The following BRSK1 variants were observed in gnomAD, a reference collection of about 807,000 sequenced individuals.
BRSK1 encodes BR serine/threonine kinase 1, also known as serine/threonine-protein kinase BRSK1.
Under a neutral mutation model 86.2 loss-of-function variants are expected in BRSK1, and 17 were observed. The observed-to-expected ratio is 0.20, with a 90% CI of 0.14 to 0.30. The LOEUF is 0.30. Among genes scored for constraint, BRSK1 ranks in the 10% least tolerant of loss-of-function variants. BRSK1 has a pLI of 1.00. For missense variants in BRSK1, 719 were observed against 1,071.9 expected (o/e 0.67, Z 4.60); for synonymous variants, 464 against 440.1 (o/e 1.05, Z -0.68).
intron 7 of BRSK1, among the ~76,000 whole-genome samples, chr19:55,296,140 C>T (rs1203477144): frequency 6.6e-6 from 1 of 151,968 alleles, no homozygotes; most frequent in Admixed American, 6.6e-5. Flanking sequence ...CCCCTGCCCC[C>T]ACTCCTCCTC....
intron 7 of BRSK1, among the ~76,000 whole-genome samples, chr19:55,298,246 CTT>C (rs1445284997): frequency 2.0e-5 from 1 of 50,722 alleles, no homozygotes; most frequent in Non-Finnish European, 3.5e-5. Flanking sequence ...GAGATGAAGT[CTT>C]AGTCTTGCTC....
Position 55,287,846 on chromosome 19 carries a change from C to A in BRSK1, c.317+547C>A. ...GGGGGTGGGGGTCCAGCTGTCCAGA[C>A]TCCAGAGAATGGGCCTCTTTGTCCA... On this transcript the variant is annotated intron_variant, in intron 3 of 18. Transcript: ENST00000309383. The surrounding 1 kb of genome is among the most constrained non-coding windows in gnomAD (Gnocchi z 5.3). 1 of 163,172 alleles carries A rather than the reference C, an allele frequency of 6.1e-6. No individual in the cohort carries two copies. The highest frequency in any genetic ancestry group is 1.4e-5 in the Non-Finnish European group (1 of 73,044). 10.1% of individuals were successfully genotyped at this position (163,172 alleles called of 1,614,324 possible).
chr19:55,312,171 T>C lies in BRSK1; in HGVS notation c.*103T>C. 1.8e-6 allele frequency: 1 copy of C among 565,678 alleles called. No homozygotes were observed. The highest frequency in any genetic ancestry group is 3.0e-6 in the Non-Finnish European group (1 of 335,180). 35.0% of individuals were successfully genotyped at this position (565,678 alleles called of 1,614,324 possible). A position where few individuals can be genotyped will look rare whatever the true frequency, so the allele number is the denominator to read the frequency against. ...CCCAAGGAACATGTCGGGAGGGGGG[T>C]GGACACAAAAACCGGCCTTGCCCTG... On this transcript the variant is annotated 3_prime_UTR_variant, in exon 19 of 19. Coordinates refer to ENST00000309383, the MANE Select transcript of BRSK1 (RefSeq NM_032430.2).
At chr19:55,295,097 C>T (rs539800934) in intron 7 of BRSK1, among the ~76,000 whole-genome samples, 274 of 151,868 alleles carry the variant, frequency 1.8e-3, no homozygotes, top group African/African-American at 5.7e-3. Context: ...CCATCGTGCC[C>T]GGCAGCTGAA....
At position 55,304,266 on chromosome 19, in the gene BRSK1, C is replaced by T. The variant is rs2088614114; in HGVS notation, c.1347+156C>T. 6.6e-6 allele frequency among the ~76,000 whole-genome samples: 1 copy of T among 152,138 alleles called. No homozygotes were observed. Among genetic ancestry groups the T allele is most frequent in the African/African-American group, 2.4e-5 (1 of 41,424 alleles). ...CCCAAGGCCTCCAAAGTATTTTGGT[C>T]CATTGGCCATTTCTACCTCCTTAGG... On this transcript the variant is annotated intron_variant, in intron 13 of 18. Coordinates refer to ENST00000309383, the MANE Select transcript of BRSK1 (RefSeq NM_032430.2). The surrounding 1 kb of genome is among the most constrained non-coding windows in gnomAD (Gnocchi z 5.2).
At position 55,306,611 on chromosome 19, in the gene BRSK1, C is replaced by G. The variant is rs1213353502; in HGVS notation, c.2089+161C>G. ...CTGCCCACACAGACCGCCCCACAAG[C>G]CCATCCTCTATTTCCCCACTCTCAT... On this transcript the variant is annotated intron_variant, in intron 17 of 18. Coordinates refer to ENST00000309383, the MANE Select transcript of BRSK1 (RefSeq NM_032430.2). This position sits in a 1 kb window ranked among gnomAD's most constrained non-coding sequence, Gnocchi z 4.7. 6.6e-6 allele frequency among the ~76,000 whole-genome samples: 1 copy of G among 152,208 alleles called. No individual in the cohort carries two copies. Among genetic ancestry groups the G allele is most frequent in the African/African-American group, 2.4e-5 (1 of 41,448 alleles).
Position 55,304,426 on chromosome 19 carries a change from A to ATACT in BRSK1, c.1348-123_1348-120dup. On this transcript the variant is annotated intron_variant, in intron 13 of 18. Transcript: ENST00000309383. The surrounding 1 kb of genome is among the most constrained non-coding windows in gnomAD (Gnocchi z 5.2). ...CTTGCTCTGGGGCCTGGGAAGGAGG[A>ATACT]TACTTGGACTACAAGTTGCAGCATG... 1 of 1,192,158 alleles carries ATACT rather than the reference A, an allele frequency of 8.4e-7. No individual in the cohort carries two copies. The highest frequency in any genetic ancestry group is 1.1e-6 in the Non-Finnish European group (1 of 877,890). 73.8% of individuals were successfully genotyped at this position (1,192,158 alleles called of 1,614,324 possible).
In BRSK1 at chr19:55,284,498, A is replaced by ACCCC; in HGVS notation, c.58_61dup (p.His21ProfsTer30). ...GGCTCTCCCGCCTACCACCTCCCCC[A>ACCCC]CCCCCACCCCCACCCACCCCAGCAC... On this transcript the variant is annotated frameshift_variant, in exon 1 of 19. Transcript: ENST00000309383. LOFTEE classifies it high-confidence loss of function. The ACCCC allele has an allele frequency of 2.2e-5, 9 of 403,744 alleles. No individual in the cohort carries two copies. The highest frequency in any genetic ancestry group is 3.2e-5 in the Non-Finnish European group (8 of 251,860). The allele number at this position is 403,744 out of a possible 1,614,324, so 25.0% of individuals were successfully genotyped here.
chr19:55,304,400 C>G lies in BRSK1; in HGVS notation c.1348-151C>G. The G allele has an allele frequency of 1.9e-6, 2 of 1,041,898 alleles. No individual in the cohort carries two copies. Among genetic ancestry groups the G allele is most frequent in the Admixed American group, 3.1e-5 (1 of 31,834 alleles). The allele number at this position is 1,041,898 out of a possible 1,614,324, so 64.5% of individuals were successfully genotyped here. A position where few individuals can be genotyped will look rare whatever the true frequency, so the allele number is the denominator to read the frequency against. On this transcript the variant is annotated intron_variant, in intron 13 of 18. Transcript: ENST00000309383. The surrounding 1 kb of genome is among the most constrained non-coding windows in gnomAD (Gnocchi z 5.2). ...CAGCATGATAGAAAGTCTTTGCTAT[C>G]CTTGCTCTGGGGCCTGGGAAGGAGG...
chr19:55,294,454 T>G lies in BRSK1; in HGVS notation c.678+57T>G, dbSNP rs142326820. On this transcript the variant is annotated intron_variant, in intron 7 of 18. Coordinates refer to ENST00000309383, the MANE Select transcript of BRSK1 (RefSeq NM_032430.2). This position sits in a 1 kb window ranked among gnomAD's most constrained non-coding sequence, Gnocchi z 4.9. The stretch of plus-strand genomic sequence containing the variant: ...AGATCAATCCCACCTGGTGGGAGCA[T>G]AGGACAGTACCTTCCATCCTCAGGT... 3 of 1,545,662 alleles carry G rather than the reference T, an allele frequency of 1.9e-6. No homozygotes were observed. The highest frequency in any genetic ancestry group is 2.7e-6 in the Non-Finnish European group (3 of 1,123,852).
rs1369241164 is a variant in BRSK1 at position 55,310,107 on chromosome 19, AC to A, written c.2179+1383del. 6.6e-6 allele frequency among the ~76,000 whole-genome samples: 1 copy of A among 152,130 alleles called. No homozygotes were observed. Among genetic ancestry groups the A allele is most frequent in the African/African-American group, 2.4e-5 (1 of 41,412 alleles). ...GTTCTCAACTAGGGGAGCTGGTTTC[AC>A]CCCGTGTTTGTTTTCTATGGCCGCC... On this transcript the variant is annotated intron_variant, in intron 18 of 18. Coordinates refer to ENST00000309383, the MANE Select transcript of BRSK1 (RefSeq NM_032430.2). The surrounding 1 kb of genome is among the most constrained non-coding windows in gnomAD (Gnocchi z 5.0).
Position 55,303,162 on chromosome 19 carries a change from C to A in BRSK1, c.1029-149C>A. ...TGAGTGAAACACAGCTGAGATGTAC[C>A]CTAAACCAGAGAAACTGACCATACT... is the stretch of plus-strand genomic sequence containing the variant. On this transcript the variant is annotated intron_variant, in intron 10 of 18. Transcript: ENST00000309383. This position sits in a 1 kb window ranked among gnomAD's most constrained non-coding sequence, Gnocchi z 5.1. 1 of 683,882 alleles carries A rather than the reference C, an allele frequency of 1.5e-6. No homozygotes were observed. Among genetic ancestry groups the A allele is most frequent in the Non-Finnish European group, 2.5e-6 (1 of 402,556 alleles). The allele number at this position is 683,882 out of a possible 1,614,324, so 42.4% of individuals were successfully genotyped here.
rs1416513016 is a variant in BRSK1, at chr19:55,284,039, G to C, written c.-404G>C. On this transcript the variant is annotated 5_prime_UTR_variant, in exon 1 of 19. Transcript: ENST00000309383. ...TGCCGGAGAGAAAGGACGAGGTGGC[G>C]GGGGGAGGCGGAGAGGAGGAGGAGG... 3.2e-6 allele frequency: 4 copies of C among 1,234,892 alleles called. No individual in the cohort carries two copies. The highest frequency in any genetic ancestry group is 4.2e-5 in the Admixed American group (1 of 23,702). 76.5% of individuals were successfully genotyped at this position (1,234,892 alleles called of 1,614,324 possible). A position where few individuals can be genotyped will look rare whatever the true frequency, so the allele number is the denominator to read the frequency against.
chr19:55,287,326 A>G lies in BRSK1; in HGVS notation c.317+27A>G, dbSNP rs745559657. 1 of 1,605,766 alleles carries G rather than the reference A, an allele frequency of 6.2e-7. No homozygotes were observed. The highest frequency in any genetic ancestry group is 1.1e-5 in the South Asian group (1 of 90,910). On this transcript the variant is annotated intron_variant, in intron 3 of 18. Transcript: ENST00000309383. The surrounding 1 kb of genome is among the most constrained non-coding windows in gnomAD (Gnocchi z 5.3). ...TAGGTATTTATAGACACCCAGCCCT[A>G]CCCCATCCTCCCTCTCCAGGTTACC...
intron 16 of BRSK1, 84 bp downstream of exon 16, chr19:55,305,670 G>A: frequency 6.3e-7 from 1 of 1,579,550 alleles, no homozygotes; most frequent in Non-Finnish European, 8.6e-7. Flanking sequence ...CCTTAGCATA[G>A]GCCTGGCTTC....
intron 3 of BRSK1, among the ~76,000 whole-genome samples, chr19:55,288,619 C>T (rs1173241340): frequency 6.6e-6 from 1 of 151,690 alleles, no homozygotes; most frequent in Non-Finnish European, 1.5e-5. Flanking sequence ...GAGTTTTGCT[C>T]TTGTTGCCCA....
Position 55,301,574 on chromosome 19 carries a change from C to T in BRSK1, c.741C>T (p.Val247=), listed in dbSNP as rs770328320. 6.2e-7 allele frequency: 1 copy of T among 1,613,796 alleles called. No individual in the cohort carries two copies. The highest frequency in any genetic ancestry group is 8.5e-7 in the Non-Finnish European group (1 of 1,179,910). Residue 247 remains valine (V), a synonymous_variant, in exon 8 of 19, where the codon GTC becomes GTT. Coordinates refer to ENST00000309383, the MANE Select transcript of BRSK1 (RefSeq NM_032430.2). The stretch of plus-strand genomic sequence containing the variant: ...TGCTGGAGAAGGTGAAACGGGGCGT[C>T]TTCCACATGCCCCACTTCATTCCTC... ...RQLLEKVKRG[V]FHMPHFIPPD...
chr19:55,289,522 C>T lies in BRSK1; in HGVS notation c.360C>T (p.Asp120=). ...LEHVSGGELF[D]YLVKKGRLTP... is the part of the protein sequence containing the mutation. ...ACGTCTCGGGGGGTGAGCTATTCGA[C>T]TACCTGGTAAAGAAGGGGAGACTGA... is the stretch of plus-strand genomic sequence containing the variant. The change falls in exon 4 of 19, where the codon GAC becomes GAT. Residue 120 remains aspartate (D), a synonymous_variant. Transcript: ENST00000309383. The T allele has an allele frequency of 6.2e-7, 1 of 1,613,988 alleles. No individual in the cohort carries two copies. The highest frequency in any genetic ancestry group is 8.5e-7 in the Non-Finnish European group (1 of 1,179,974).
chr19:55,289,636 G>C lies in BRSK1; in HGVS notation c.458+16G>C. The C allele has an allele frequency of 6.2e-7, 1 of 1,612,224 alleles. No individual in the cohort carries two copies. Among genetic ancestry groups the C allele is most frequent in the Non-Finnish European group, 8.5e-7 (1 of 1,178,830 alleles). Reference sequence around the variant, plus strand: ...ACTCCATCTGGTGAGTGGGCAGCTTGAGGGGGAGGAGGGGCTGAGGGCTGC... The same window carrying C: ...ACTCCATCTGGTGAGTGGGCAGCTTCAGGGGGAGGAGGGGCTGAGGGCTGC... On this transcript the variant is annotated intron_variant, in intron 4 of 18. Coordinates refer to ENST00000309383, the MANE Select transcript of BRSK1 (RefSeq NM_032430.2).
Sources: gnomAD v4.1 joint callset for allele counts (sites outside exome capture counted in the v4.1 genomes callset) on GRCh38, gnomAD v4.1.1 for gene constraint, Gnocchi (gnomAD v3.1) non-coding constraint, MANE v1.5 for transcripts, NCBI Gene and HGNC (gene_info 2026-07-23, HGNC 2026-07-21) for gene names.